The following EFR3A variants were observed in gnomAD, a reference collection of about 807,000 sequenced individuals.
EFR3A encodes EFR3 homolog A.
In EFR3A, 76 loss-of-function variants were observed where a neutral mutation model predicts 104.4. The ratio of observed to expected loss-of-function variants is 0.73; its 90% CI spans 0.60 to 0.88. The LOEUF (loss-of-function observed/expected upper bound fraction) is 0.88, where lower values mean the gene tolerates loss of function less well. EFR3A is among the 40% of genes least tolerant of loss of function. The pLI is 0.00. For missense variants in EFR3A, 985 were observed against 1,012.5 expected (o/e 0.97, Z 0.37); for synonymous variants, 330 against 330.0 (o/e 1.00, Z 0.00).
chr8:131,907,818 T>TCTCCC (rs1289011351), intron 1 of EFR3A, among the ~76,000 whole-genome samples: 1 of 151,574 alleles, frequency 6.6e-6, no homozygotes, highest in Non-Finnish European at 1.5e-5. Flanking sequence ...TTTGCTTCCT[T>TCTCCC]CTCCCCTCCC....
At position 131,987,100 on chromosome 8, in the gene EFR3A, C is replaced by T. The variant is rs551777702; in HGVS notation, c.1938-475C>T. 1.6e-3 allele frequency among the ~76,000 whole-genome samples: 246 copies of T among 152,104 alleles called. 1 individual carries two copies. The highest frequency in any genetic ancestry group is 6.2e-3 in the Admixed American group (94 of 15,256). On this transcript the variant is annotated intron_variant, in intron 17 of 22. Transcript: ENST00000254624. ...AAGCAGTTTATTTTGAAAGCATCAGCATAAGATAATATCAAGCAGTTTGCA... is the reference window on the plus strand; with the variant it reads ...AAGCAGTTTATTTTGAAAGCATCAGTATAAGATAATATCAAGCAGTTTGCA...
Position 131,914,356 on chromosome 8 carries a change from G to C in EFR3A, c.10+10034G>C, listed in dbSNP as rs184886368. On this transcript the variant is annotated intron_variant, in intron 1 of 22. Coordinates refer to ENST00000254624, the MANE Select transcript of EFR3A (RefSeq NM_015137.6). ...TTCTTTGTTTGGTCTTCCAGTGATGGGGGTATCTGCCCCAGGACAGTTCTA... is the reference window on the plus strand; with the variant it reads ...TTCTTTGTTTGGTCTTCCAGTGATGCGGGTATCTGCCCCAGGACAGTTCTA... 6.3e-4 allele frequency among the ~76,000 whole-genome samples: 96 copies of C among 152,244 alleles called. 2 individuals carry two copies. The highest frequency in any genetic ancestry group is 4.4e-3 in the Admixed American group (67 of 15,296).
intron 9 of EFR3A, among the ~76,000 whole-genome samples, chr8:131,969,392 G>A (rs557957426): frequency 3.9e-5 from 6 of 152,126 alleles, no homozygotes; most frequent in Non-Finnish European, 5.9e-5. Context: ...ATAAAATGGC[G>A]TAGTTTTTGC....
intron 4 of EFR3A, among the ~76,000 whole-genome samples, chr8:131,947,199 TTA>T (rs1287388419): frequency 6.6e-6 from 1 of 152,064 alleles, no homozygotes; most frequent in Non-Finnish European, 1.5e-5. Context: ...CTATCTTTTT[TTA>T]TTTTAAGCAT....
At chr8:131,979,055 G>T in intron 13 of EFR3A, 36 bp downstream of exon 13, 1 of 1,544,468 alleles carries the variant, frequency 6.5e-7, no homozygotes, top group Non-Finnish European at 8.7e-7. Context: ...TAATGATAAT[G>T]TTTTTAAATT....
intron 22 of EFR3A, among the ~76,000 whole-genome samples, chr8:132,003,571 A>G (rs527465040): frequency 0.038 from 5,728 of 152,274 alleles, 224 homozygotes; most frequent in African/African-American, 0.099. Flanking sequence ...GGTAATTTAA[A>G]AAAGACCCAT....
intron 11 of EFR3A, 114 bp downstream of exon 11, chr8:131,976,255 C>A: frequency 1.4e-6 from 1 of 699,416 alleles, no homozygotes; most frequent in Non-Finnish European, 2.5e-6. Flanking sequence ...AATAGCATTC[C>A]TATGGAAAGC....
chr8:131,991,120 G>A lies in EFR3A; in HGVS notation c.2065+3418G>A, dbSNP rs114794088. On this transcript the variant is annotated intron_variant, in intron 18 of 22. Coordinates refer to ENST00000254624, the MANE Select transcript of EFR3A (RefSeq NM_015137.6). Reference sequence around the variant, plus strand: ...TCTCACAATCATCATGGCAGAGGGTGAAAGACAATTCTTACATGGCAGTGG... The same window carrying A: ...TCTCACAATCATCATGGCAGAGGGTAAAAGACAATTCTTACATGGCAGTGG... Among the ~76,000 whole-genome samples, 154 of 152,228 alleles carry A rather than the reference G, an allele frequency of 1.0e-3. 1 individual carries two copies. Among genetic ancestry groups the A allele is most frequent in the African/African-American group, 3.6e-3 (148 of 41,548 alleles).
chr8:131,954,133 T>G (rs1296247260), intron 6 of EFR3A, among the ~76,000 whole-genome samples, 166 bp downstream of exon 6: 1 of 152,106 alleles, frequency 6.6e-6, no homozygotes, highest in Non-Finnish European at 1.5e-5. Context: ...TACTCTGTAG[T>G]GATCACATTA....
At chr8:131,963,480 T>G (rs201718257) in intron 8 of EFR3A, among the ~76,000 whole-genome samples, 2 of 152,126 alleles carry the variant, frequency 1.3e-5, no homozygotes, top group Admixed American at 1.3e-4. Context: ...GAAGAAATAG[T>G]TAAATTCCTG....
intron 1 of EFR3A, among the ~76,000 whole-genome samples, chr8:131,926,055 C>G (rs1249042855): frequency 1.3e-5 from 2 of 151,524 alleles, no homozygotes; most frequent in African/African-American, 4.8e-5. Context: ...TAGTTAAAAT[C>G]TATTATAGGG....
Position 131,959,636 on chromosome 8 carries a change from CTTTAAAA to C in EFR3A, c.831_837del (p.Phe277LeufsTer2). The C allele has an allele frequency of 6.2e-7, 1 of 1,611,644 alleles. No homozygotes were observed. Among genetic ancestry groups the C allele is most frequent in the Non-Finnish European group, 8.5e-7 (1 of 1,179,032 alleles). On this transcript the variant is annotated frameshift_variant, in exon 8 of 23. Transcript: ENST00000254624. LOFTEE classifies it high-confidence loss of function. Reference sequence around the variant, plus strand: ...ATCCCAATGAATTTGCAGTTCACTGCTTTAAAATTATAATGTATTCCATTCAGGTAAG... The same window carrying C: ...ATCCCAATGAATTTGCAGTTCACTGCTTATAATGTATTCCATTCAGGTAAG...
chr8:131,967,054 A>G (rs536442434), intron 8 of EFR3A, among the ~76,000 whole-genome samples: 12 of 152,258 alleles, frequency 7.9e-5, no homozygotes, highest in African/African-American at 2.4e-4. Context: ...TCAAATGGCT[A>G]CCTTACCTAT....
chr8:131,945,245 A>AT (rs1418463550), intron 3 of EFR3A, among the ~76,000 whole-genome samples: 1 of 151,678 alleles, frequency 6.6e-6, no homozygotes, highest in Non-Finnish European at 1.5e-5. Context: ...TAACCAGATC[A>AT]TTTTTTTTCA....
chr8:131,915,400 T>C (rs1816699202), intron 1 of EFR3A, among the ~76,000 whole-genome samples: 1 of 152,212 alleles, frequency 6.6e-6, no homozygotes, highest in Non-Finnish European at 1.5e-5. Context: ...GAATCACAAG[T>C]GTTCTTTCAA....
chr8:131,971,203 A>G (rs1820034038), intron 10 of EFR3A, among the ~76,000 whole-genome samples: 1 of 152,180 alleles, frequency 6.6e-6, no homozygotes, highest in South Asian at 2.1e-4. Flanking sequence ...TTGACCCAAT[A>G]ATGTACTATA....
At chr8:131,956,971 GGCCT>G (rs1465967915) in intron 7 of EFR3A, among the ~76,000 whole-genome samples, 34 of 151,898 alleles carry the variant, frequency 2.2e-4, no homozygotes, top group Admixed American at 1.4e-3. Context: ...TAATCTATAA[GGCCT>G]TAAAAATCTA....
At chr8:131,993,430 G>A (rs1480322804) in intron 18 of EFR3A, among the ~76,000 whole-genome samples, 4 of 152,038 alleles carry the variant, frequency 2.6e-5, no homozygotes, top group Non-Finnish European at 4.4e-5. Context: ...TCCCCAGAAA[G>A]GGGCAAACTG....
chr8:131,968,975 G>A (rs975766888), intron 9 of EFR3A, among the ~76,000 whole-genome samples: 3 of 152,136 alleles, frequency 2.0e-5, no homozygotes, highest in Non-Finnish European at 2.9e-5. Flanking sequence ...AAGATTTACT[G>A]TAATCTTCAT....
Sources: gnomAD v4.1 joint callset for allele counts (sites outside exome capture counted in the v4.1 genomes callset) on GRCh38, gnomAD v4.1.1 for gene constraint, MANE v1.5 for transcripts, NCBI Gene and HGNC (gene_info 2026-07-23, HGNC 2026-07-21) for gene names.